SPRED1: variants seen among roughly 807,000 people sequenced by gnomAD.
The protein encoded by SPRED1 is sprouty related EVH1 domain containing 1.
A neutral mutation model predicts 52.3 loss-of-function variants in SPRED1; 18 were observed. The observed-to-expected ratio is 0.34, with a 90% CI of 0.24 to 0.51. The LOEUF (loss-of-function observed/expected upper bound fraction) is 0.51. Among genes scored for constraint, SPRED1 ranks in the 20% least tolerant of loss-of-function variants. The probability of loss-of-function intolerance (pLI) is 0.97; values close to 1 mark genes in which losing one functional copy is unlikely to be tolerated. For synonymous variants in SPRED1, 155 were observed against 179.7 expected (o/e 0.86, Z 1.10); for missense variants, 485 against 551.0 (o/e 0.88, Z 1.20).
chr15:38,298,537 A>C (rs1272204020), intron 1 of SPRED1: 2 of 315,468 alleles, frequency 6.3e-6, no homozygotes, highest in African/African-American at 4.7e-5. Context: ...CTGGTACACA[A>C]AACAACATGA....
chr15:38,297,487 C>G (rs1450400124), intron 1 of SPRED1, among the ~76,000 whole-genome samples: 1 of 152,206 alleles, frequency 6.6e-6, no homozygotes, highest in Non-Finnish European at 1.5e-5. Flanking sequence ...CCCGCACTTC[C>G]TCTGACTGTT....
intron 1 of SPRED1, among the ~76,000 whole-genome samples, chr15:38,275,683 C>T (rs566409974): frequency 2.0e-4 from 31 of 152,034 alleles, no homozygotes; most frequent in Non-Finnish European, 3.4e-4. Context: ...TTTTCAGTAG[C>T]GACGGGGTTT....
intron 5 of SPRED1, 149 bp from the exon 6 acceptor site, chr15:38,349,273 G>A (rs1002159507): frequency 8.3e-6 from 5 of 605,410 alleles, no homozygotes; most frequent in African/African-American, 1.9e-5. Flanking sequence ...TGTGTTTTAG[G>A]TGGGGGGAAA....
chr15:38,297,314 G>A (rs1372246174), intron 1 of SPRED1, among the ~76,000 whole-genome samples: 2 of 152,202 alleles, frequency 1.3e-5, no homozygotes, highest in Non-Finnish European at 2.9e-5. Context: ...CATCTTACAA[G>A]ATTCTCTTAA....
rs1345908231 is a variant in SPRED1 at position 38,339,861 on chromosome 15, C to A, written c.548C>A (p.Ala183Asp). 1 of 1,613,820 alleles carries A rather than the reference C, an allele frequency of 6.2e-7. No homozygotes were observed. The highest frequency in any genetic ancestry group is 8.5e-7 in the Non-Finnish European group (1 of 1,179,890). The change falls in exon 5 of 7, where the codon GCC becomes GAC. Residue 183 changes from alanine to aspartate, a missense_variant. Transcript: ENST00000299084. Reference protein sequence around the residue: ...IRPSPFEDLNARRVYMQSQAN... With the variant: ...IRPSPFEDLNDRRVYMQSQAN... ...CCTTCTCCCTTTGAAGATCTGAATGCCAGAAGAGTCTACATGCAAAGCCAA... is the reference window on the plus strand; with the variant it reads ...CCTTCTCCCTTTGAAGATCTGAATGACAGAAGAGTCTACATGCAAAGCCAA...
Position 38,343,146 on chromosome 15 carries a change from A to G in SPRED1, c.582+3251A>G, listed in dbSNP as rs181376517. Among the ~76,000 whole-genome samples, 25 of 152,204 alleles carry G rather than the reference A, an allele frequency of 1.6e-4. No individual in the cohort carries two copies. In the South Asian group the frequency reaches 1.9e-3, roughly 11 times the overall value. On this transcript the variant is annotated intron_variant, in intron 5 of 6. Transcript: ENST00000299084. ...AATATTTTACGACATAAATGCCCCA[A>G]TAAAATTCAAATTCATCTCTATAAA...
At chr15:38,339,976 C>T (rs1595757017) in intron 5 of SPRED1, 81 bp downstream of exon 5, 2 of 1,544,086 alleles carry the variant, frequency 1.3e-6, no homozygotes, top group African/African-American at 1.4e-5. Flanking sequence ...ACGTTAAAAC[C>T]ATCTGCCCTT....
chr15:38,301,694 A>G (rs1296361312), intron 2 of SPRED1, among the ~76,000 whole-genome samples: 1 of 152,166 alleles, frequency 6.6e-6, no homozygotes, highest in East Asian at 1.9e-4. Context: ...CTGCTGGGTA[A>G]TACACTGTGA....
At chr15:38,348,123 A>G (rs1446996658) in intron 5 of SPRED1, among the ~76,000 whole-genome samples, 1 of 152,000 alleles carries the variant, frequency 6.6e-6, no homozygotes, top group African/African-American at 2.4e-5. Context: ...TATTTAATAT[A>G]CTAGTTGAGG....
intron 4 of SPRED1, among the ~76,000 whole-genome samples, chr15:38,325,597 T>C (rs1895698315): frequency 6.6e-6 from 1 of 152,178 alleles, no homozygotes; most frequent in Non-Finnish European, 1.5e-5. Context: ...CAATCTTTTT[T>C]CTTATGCCTT....
At chr15:38,273,294 T>C (rs183128544) in intron 1 of SPRED1, among the ~76,000 whole-genome samples, 5 of 152,196 alleles carry the variant, frequency 3.3e-5, no homozygotes, top group Admixed American at 2.0e-4. Context: ...TGAAGAAACA[T>C]CTTTATGTGT....
intron 1 of SPRED1, among the ~76,000 whole-genome samples, chr15:38,282,802 T>C (rs1039342079): frequency 2.0e-5 from 3 of 152,236 alleles, no homozygotes; most frequent in Non-Finnish European, 4.4e-5. Flanking sequence ...TTTTTATTTC[T>C]TCATTGTCTG....
At chr15:38,323,995 A>G (rs1372853374) in intron 3 of SPRED1, among the ~76,000 whole-genome samples, 2 of 150,712 alleles carry the variant, frequency 1.3e-5, no homozygotes, top group African/African-American at 2.4e-5. Context: ...ATTTTTGAAC[A>G]TTAAAAAACA....
intron 5 of SPRED1, among the ~76,000 whole-genome samples, chr15:38,344,702 A>C (rs1184806619): frequency 6.6e-6 from 1 of 152,080 alleles, no homozygotes; most frequent in African/African-American, 2.4e-5. Flanking sequence ...ATCGGTATCT[A>C]CCTCCTAGAG....
intron 1 of SPRED1, among the ~76,000 whole-genome samples, chr15:38,299,105 T>A (rs1895099300): frequency 6.6e-6 from 1 of 152,222 alleles, no homozygotes; most frequent in Non-Finnish European, 1.5e-5. Context: ...TCAGATGTGC[T>A]GGAACTACTG....
chr15:38,320,309 A>G (rs552515310), intron 2 of SPRED1, among the ~76,000 whole-genome samples: 7 of 152,270 alleles, frequency 4.6e-5, no homozygotes, highest in African/African-American at 1.4e-4. Flanking sequence ...TAAAGCCTAA[A>G]AGATTTCTGA....
intron 4 of SPRED1, among the ~76,000 whole-genome samples, chr15:38,327,405 C>T (rs1008578740): frequency 6.6e-6 from 1 of 152,132 alleles, no homozygotes; most frequent in Non-Finnish European, 1.5e-5. Context: ...TAGGGACTCA[C>T]TTCTACCACA....
intron 4 of SPRED1, among the ~76,000 whole-genome samples, chr15:38,336,942 A>G (rs1217849036): frequency 6.6e-6 from 1 of 152,160 alleles, no homozygotes; most frequent in Admixed American, 6.6e-5. Context: ...GAAATAAAAA[A>G]CTTTAAAACA....
At chr15:38,302,185 G>T (rs987471010) in intron 2 of SPRED1, among the ~76,000 whole-genome samples, 1 of 151,986 alleles carries the variant, frequency 6.6e-6, no homozygotes, top group African/African-American at 2.4e-5. Context: ...ATGACCACTC[G>T]TGTGGCTAAT....
Sources: allele counts gnomAD v4.1 joint callset (sites outside exome capture counted in the v4.1 genomes callset), GRCh38; gene constraint gnomAD v4.1.1; transcripts MANE v1.5; gene names NCBI Gene and HGNC (gene_info 2026-07-23, HGNC 2026-07-21).